C1orf21: variants seen among roughly 807,000 people sequenced by gnomAD.
The protein encoded by C1orf21 is chromosome 1 open reading frame 21.
In C1orf21, 3 loss-of-function variants were observed where a neutral mutation model predicts 18.7. The observed-to-expected ratio is 0.16, with a 90% CI of 0.07 to 0.42. The LOEUF is 0.42. Ranked by LOEUF, C1orf21 falls within the 10% of genes least tolerant of loss-of-function variation. The pLI, the probability that C1orf21 is intolerant of heterozygous loss-of-function variation, is 0.99. For synonymous variants in C1orf21, 41 were observed against 46.4 expected (o/e 0.88, Z 0.47); for missense variants, 104 against 143.6 (o/e 0.72, Z 1.41).
chr1:184,608,920 C>T (rs919159676), intron 5 of C1orf21, among the ~76,000 whole-genome samples: 2 of 152,204 alleles, frequency 1.3e-5, no homozygotes, highest in Non-Finnish European at 2.9e-5. Flanking sequence ...GGGCCTCTCT[C>T]CTTCCTGTCT....
chr1:184,421,344 A>G (rs560969608), intron 1 of C1orf21, among the ~76,000 whole-genome samples: 1 of 152,314 alleles, frequency 6.6e-6, no homozygotes, highest in East Asian at 1.9e-4. Context: ...GGGCTCAAGC[A>G]GTCCTCTTAC....
At chr1:184,457,449 A>C (rs963822997) in intron 1 of C1orf21, among the ~76,000 whole-genome samples, 1 of 151,524 alleles carries the variant, frequency 6.6e-6, no homozygotes, top group Non-Finnish European at 1.5e-5. Context: ...CAGGCTAACT[A>C]GTTGAATATA....
chr1:184,621,284 C>T lies in C1orf21; in HGVS notation c.*1728C>T, dbSNP rs899548223. On this transcript the variant is annotated 3_prime_UTR_variant, in exon 6 of 6. Coordinates refer to ENST00000235307, the MANE Select transcript of C1orf21 (RefSeq NM_030806.4). ...GATTCACATATTAGCAACAAAATCC[C>T]GTAATTCTTTTGGCCAACAGCAGCT... The T allele has an allele frequency of 2.6e-5, 4 of 152,572 alleles. No individual in the cohort carries two copies. Among genetic ancestry groups the T allele is most frequent in the Admixed American group, 1.3e-4 (2 of 15,282 alleles). The allele number at this position is 152,572 out of a possible 1,614,324, so 9.5% of individuals were successfully genotyped here. A position where few individuals can be genotyped will look rare whatever the true frequency, so the allele number is the denominator to read the frequency against.
chr1:184,567,551 G>C (rs1558004615), intron 3 of C1orf21: 1 of 509,202 alleles, frequency 2.0e-6, no homozygotes, highest in African/African-American at 1.9e-5. Flanking sequence ...TGGAACCGGT[G>C]TGATCAGCCT....
rs373526377 is a variant in C1orf21 at position 184,616,331 on chromosome 1, G to A, written c.328-3187G>A. ...GCAAGGAGCAGCCCTGTGGGCTTGC[G>A]CTTCTCTGAGCTTCCCCCGCAAGCA... On this transcript the variant is annotated intron_variant, in intron 5 of 5. Transcript: ENST00000235307. Among the ~76,000 whole-genome samples the A allele has an allele frequency of 3.3e-4, 50 of 152,338 alleles. No homozygotes were observed. In the South Asian group the frequency reaches 7.7e-3, roughly 23 times the overall value.
intron 2 of C1orf21, among the ~76,000 whole-genome samples, chr1:184,483,371 G>A (rs1657684039): frequency 6.6e-6 from 1 of 152,160 alleles, no homozygotes; most frequent in Non-Finnish European, 1.5e-5. Flanking sequence ...AACTAAAGTG[G>A]GTGCATAGAA....
chr1:184,549,921 T>G (rs1019189576), intron 3 of C1orf21, among the ~76,000 whole-genome samples: 2 of 152,242 alleles, frequency 1.3e-5, no homozygotes, highest in Non-Finnish European at 2.9e-5. Flanking sequence ...ATTTATGATT[T>G]TTCAACTTTA....
intron 5 of C1orf21, among the ~76,000 whole-genome samples, chr1:184,611,706 A>T (rs868699021): frequency 5.3e-5 from 8 of 152,218 alleles, no homozygotes; most frequent in African/African-American, 1.9e-4. Flanking sequence ...ACCAGAATGC[A>T]GGTGGGGCAA....
chr1:184,412,211 A>G (rs1253282561), intron 1 of C1orf21: 1 of 152,228 alleles, frequency 6.6e-6, no homozygotes, highest in Non-Finnish European at 1.5e-5. Context: ...AGAAGACTGC[A>G]TTACCACCCC....
At chr1:184,582,159 A>T (rs1321962530) in intron 3 of C1orf21, among the ~76,000 whole-genome samples, 1 of 152,240 alleles carries the variant, frequency 6.6e-6, no homozygotes, top group East Asian at 1.9e-4. Flanking sequence ...TTGTATTTGA[A>T]GGAGACAGTG....
intron 3 of C1orf21, among the ~76,000 whole-genome samples, chr1:184,516,193 G>T (rs1245345986): frequency 6.6e-6 from 1 of 152,134 alleles, no homozygotes; most frequent in Non-Finnish European, 1.5e-5. Context: ...CATACAACAT[G>T]ATTGGTTGAG....
chr1:184,589,327 C>G (rs1201402653), intron 3 of C1orf21, among the ~76,000 whole-genome samples: 1 of 152,202 alleles, frequency 6.6e-6, no homozygotes, highest in Non-Finnish European at 1.5e-5. Flanking sequence ...TTACCTCTAA[C>G]TTTTAAAAAC....
chr1:184,494,901 A>G (rs1461593628), intron 2 of C1orf21, among the ~76,000 whole-genome samples: 1 of 151,984 alleles, frequency 6.6e-6, no homozygotes, highest in Non-Finnish European at 1.5e-5. Context: ...GCTGGGATAA[A>G]AAGAACATCA....
intron 3 of C1orf21, among the ~76,000 whole-genome samples, chr1:184,512,774 A>G (rs1258139001): frequency 6.6e-6 from 1 of 152,178 alleles, no homozygotes; most frequent in East Asian, 1.9e-4. Context: ...TTAATTATTG[A>G]CACAGGGGTC....
chr1:184,537,939 G>C (rs966356524), intron 3 of C1orf21, among the ~76,000 whole-genome samples: 1 of 152,140 alleles, frequency 6.6e-6, no homozygotes, highest in Admixed American at 6.5e-5. Flanking sequence ...GTGAGCTACC[G>C]CACCTAGACC....
At chr1:184,579,275 C>T (rs1027452948) in intron 3 of C1orf21, among the ~76,000 whole-genome samples, 1 of 148,794 alleles carries the variant, frequency 6.7e-6, no homozygotes, top group Non-Finnish European at 1.5e-5. Flanking sequence ...TGGTCTCAAA[C>T]TCCTGGACTC....
intron 1 of C1orf21, among the ~76,000 whole-genome samples, chr1:184,420,871 A>T (rs1656537182): frequency 1.3e-5 from 2 of 152,056 alleles, no homozygotes; most frequent in Non-Finnish European, 2.9e-5. Context: ...CTCACATACC[A>T]AGTTAATTAT....
intron 1 of C1orf21, among the ~76,000 whole-genome samples, chr1:184,433,269 A>C (rs1476070034): frequency 6.6e-6 from 1 of 151,794 alleles, no homozygotes; most frequent in African/African-American, 2.4e-5. Context: ...TCAGAGTGCC[A>C]ACAGTGGCAC....
At chr1:184,570,296 A>C (rs942612216) in intron 3 of C1orf21, among the ~76,000 whole-genome samples, 2 of 152,192 alleles carry the variant, frequency 1.3e-5, no homozygotes, top group Non-Finnish European at 2.9e-5. Flanking sequence ...ATGTTTAAAT[A>C]ATGTTTAATA....
Sources: allele counts gnomAD v4.1 joint callset (sites outside exome capture counted in the v4.1 genomes callset), GRCh38; gene constraint gnomAD v4.1.1; transcripts MANE v1.5; gene names NCBI Gene and HGNC (gene_info 2026-07-23, HGNC 2026-07-21).